BRIP1: variants seen among roughly 807,000 people sequenced by gnomAD.
The protein encoded by BRIP1 is BRCA1 interacting DNA helicase 1.
In BRIP1, 88 loss-of-function variants were observed where a neutral mutation model predicts 119.7. The ratio of observed to expected loss-of-function variants is 0.74; its 90% CI spans 0.62 to 0.88. The LOEUF is 0.88. Among genes scored for constraint, BRIP1 ranks in the 40% least tolerant of loss-of-function variants. BRIP1 has a pLI of 0.00. For missense variants in BRIP1, 1,259 were observed against 1,455.4 expected (o/e 0.87, Z 2.20); for synonymous variants, 443 against 496.5 (o/e 0.89, Z 1.43).
intron 14 of BRIP1, among the ~76,000 whole-genome samples, chr17:61,749,249 A>G (rs558879968): frequency 1.3e-5 from 2 of 152,302 alleles, no homozygotes; most frequent in East Asian, 3.9e-4. Flanking sequence ...CACAGGCAAT[A>G]AAAGTAAAAC....
Position 61,729,703 on chromosome 17 carries a change from TA to T in BRIP1, c.2379+13309del. Reference sequence around the variant, plus strand: ...TTTTTCAACTTGATAAATCATAATTTAAAAACAAATGCAGATTATTAATTTT... The same window carrying T: ...TTTTTCAACTTGATAAATCATAATTTAAAACAAATGCAGATTATTAATTTT... On this transcript the variant is annotated intron_variant, in intron 16 of 19. Coordinates refer to ENST00000259008, the MANE Select transcript of BRIP1 (RefSeq NM_032043.3). This position sits in a 1 kb window ranked among gnomAD's most constrained non-coding sequence, Gnocchi z 5.6. Among the ~76,000 whole-genome samples, 1 of 152,290 alleles carries T rather than the reference TA, an allele frequency of 6.6e-6. No homozygotes were observed. Among genetic ancestry groups the T allele is most frequent in the East Asian group, 1.9e-4 (1 of 5,184 alleles).
At chr17:61,731,901 C>G (rs1603299637) in intron 16 of BRIP1, among the ~76,000 whole-genome samples, 1 of 129,660 alleles carries the variant, frequency 7.7e-6, no homozygotes, top group African/African-American at 2.8e-5. Flanking sequence ...ACTTGGTGCT[C>G]TAGCCAGATA....
rs1450210859 is a variant in BRIP1 at position 61,846,040 on chromosome 17, G to C, written c.627+1061C>G. The stretch of plus-strand genomic sequence containing the variant: ...TACTAAAAATACAAAAAATTAGCCA[G>C]GCGTGGTGGCAGGCGCCTGTAGTCC... On this transcript the variant is annotated intron_variant, in intron 6 of 19. Coordinates refer to ENST00000259008, the MANE Select transcript of BRIP1 (RefSeq NM_032043.3). This position sits in a 1 kb window ranked among gnomAD's most constrained non-coding sequence, Gnocchi z 4.3. Among the ~76,000 whole-genome samples, 2 of 151,962 alleles carry C rather than the reference G, an allele frequency of 1.3e-5. No homozygotes were observed. Among genetic ancestry groups the C allele is most frequent in the African/African-American group, 4.8e-5 (2 of 41,362 alleles).
At chr17:61,786,350 T>G (rs2077707129) in intron 10 of BRIP1, among the ~76,000 whole-genome samples, 1 of 152,042 alleles carries the variant, frequency 6.6e-6, no homozygotes, top group Non-Finnish European at 1.5e-5. Context: ...TTTTTTTAAA[T>G]GTGGTTAAAT....
rs1397985215 is a variant in BRIP1, at chr17:61,682,969, TA to T, written c.*326del. The T allele has an allele frequency of 1.1e-5, 3 of 280,580 alleles. No individual in the cohort carries two copies. Among genetic ancestry groups the T allele is most frequent in the Non-Finnish European group, 2.0e-5 (3 of 147,604 alleles). 17.4% of individuals were successfully genotyped at this position (280,580 alleles called of 1,614,324 possible). On this transcript the variant is annotated 3_prime_UTR_variant, in exon 20 of 20. Coordinates refer to ENST00000259008, the MANE Select transcript of BRIP1 (RefSeq NM_032043.3). The surrounding 1 kb of genome is among the most constrained non-coding windows in gnomAD (Gnocchi z 4.9). Reference sequence around the variant, plus strand: ...CAACATGGTGAAACCCCATCTCTACTAAAAATACAAAAACTAGCTGGGCATG... The same window carrying T: ...CAACATGGTGAAACCCCATCTCTACTAAAATACAAAAACTAGCTGGGCATG...
At position 61,743,129 on chromosome 17, in the gene BRIP1, C is replaced by A; in HGVS notation, c.2263G>T (p.Ala755Ser). 6.2e-7 allele frequency: 1 copy of A among 1,613,966 alleles called. No individual in the cohort carries two copies. The highest frequency in any genetic ancestry group is 8.5e-7 in the Non-Finnish European group (1 of 1,179,900). ...AIKYKGEKDG[A>S]LLVAVCRGKV... ...CCACGACAAACTGCTACCAGGAGAG[C>A]TCCATCTTAAACAACAGAAAAAAGC... Residue 755 changes from alanine to serine, a missense_variant, in exon 16 of 20, where the codon GCT (alanine) becomes TCT (serine). By Grantham distance (99) the Ala-to-Ser change is moderately conservative. This residue lies in a region of BRIP1 where 753 missense variants were observed against 891.8 expected (regional missense o/e 0.84). Coordinates refer to ENST00000259008, the MANE Select transcript of BRIP1 (RefSeq NM_032043.3). The surrounding 1 kb of genome is among the most constrained non-coding windows in gnomAD (Gnocchi z 4.3).
In BRIP1 at chr17:61,734,134, GT is replaced by G. The variant is rs2076887052; in HGVS notation, c.2379+8878del. ...TACCTTATCATATCTCACAAACTAT[GT>G]CCATGTCACCAATTGGAGAGGTGGA... On this transcript the variant is annotated intron_variant, in intron 16 of 19. Coordinates refer to ENST00000259008, the MANE Select transcript of BRIP1 (RefSeq NM_032043.3). This position sits in a 1 kb window ranked among gnomAD's most constrained non-coding sequence, Gnocchi z 5.2. Among the ~76,000 whole-genome samples the G allele has an allele frequency of 6.6e-6, 1 of 152,106 alleles. No homozygotes were observed. Among genetic ancestry groups the G allele is most frequent in the Non-Finnish European group, 1.5e-5 (1 of 68,024 alleles).
chr17:61,773,648 T>A (rs2144995141), intron 14 of BRIP1, among the ~76,000 whole-genome samples: 1 of 150,720 alleles, frequency 6.6e-6, no homozygotes, highest in East Asian at 2.0e-4. Flanking sequence ...TAGGCTCCCA[T>A]CCCTACAGAA....
Position 61,683,756 on chromosome 17 carries a change from T to G in BRIP1, c.3290A>C (p.Glu1097Ala), listed in dbSNP as rs876658746. Residue 1097 changes from glutamate (E) to alanine (A), a missense_variant, in exon 20 of 20, where the codon GAA (glutamate) becomes GCA (alanine). This residue lies in a region of BRIP1 where 753 missense variants were observed against 891.8 expected (regional missense o/e 0.84). Coordinates refer to ENST00000259008, the MANE Select transcript of BRIP1 (RefSeq NM_032043.3). The surrounding 1 kb of genome is among the most constrained non-coding windows in gnomAD (Gnocchi z 4.7). ...CAATTCAATGTCTGGATCCAGGGCTTCTTCAGAACAGAGCGGATGTTCAGA... is the reference window on the plus strand; with the variant it reads ...CAATTCAATGTCTGGATCCAGGGCTGCTTCAGAACAGAGCGGATGTTCAGA... The part of the protein sequence containing the change: ...NHSEHPLCSE[E>A]ALDPDIELSL... 9 of 1,614,084 alleles carry G rather than the reference T, an allele frequency of 5.6e-6. No homozygotes were observed. Among genetic ancestry groups the G allele is most frequent in the African/African-American group, 4.0e-5 (3 of 74,932 alleles).
intron 8 of BRIP1, 130 bp downstream of exon 8, chr17:61,801,123 C>A: frequency 1.2e-6 from 1 of 816,258 alleles, no homozygotes; most frequent in South Asian, 1.6e-5. Context: ...TTTCAGTACT[C>A]TAATATGTTT....
Position 61,822,227 on chromosome 17 carries a change from T to G in BRIP1, c.628-13470A>C, listed in dbSNP as rs2078336494. Reference sequence around the variant, plus strand: ...TTGACGAATAGACTGATAATGGGATTCTCATCATTTTTTTCTGTAAAATCT... The same window carrying G: ...TTGACGAATAGACTGATAATGGGATGCTCATCATTTTTTTCTGTAAAATCT... On this transcript the variant is annotated intron_variant, in intron 6 of 19. Transcript: ENST00000259008. The surrounding 1 kb of genome is among the most constrained non-coding windows in gnomAD (Gnocchi z 4.4). Among the ~76,000 whole-genome samples, 1 of 152,186 alleles carries G rather than the reference T, an allele frequency of 6.6e-6. No individual in the cohort carries two copies. Among genetic ancestry groups the G allele is most frequent in the South Asian group, 2.1e-4 (1 of 4,832 alleles).
chr17:61,694,363 G>A (rs1464469834), intron 17 of BRIP1, among the ~76,000 whole-genome samples: 1 of 151,986 alleles, frequency 6.6e-6, no homozygotes, highest in Admixed American at 6.5e-5. Flanking sequence ...TTTGTATCTG[G>A]CATATTTCAC....
chr17:61,733,751 G>C (rs1279754061), intron 16 of BRIP1, among the ~76,000 whole-genome samples: 1 of 151,994 alleles, frequency 6.6e-6, no homozygotes, highest in African/African-American at 2.4e-5. Flanking sequence ...AGATCACTAT[G>C]CGAATTTTAA....
Position 61,762,245 on chromosome 17 carries a change from A to C in BRIP1, c.2097+14156T>G, listed in dbSNP as rs576977482. Among the ~76,000 whole-genome samples, 2 of 152,216 alleles carry C rather than the reference A, an allele frequency of 1.3e-5. No individual in the cohort carries two copies. The highest frequency in any genetic ancestry group is 1.9e-4 in the East Asian group (1 of 5,188). ...CTTATCTCACAATATTTAAAAAAAAACTCAAAATGAATTAAAGATTTAAAC... is the reference window on the plus strand; with the variant it reads ...CTTATCTCACAATATTTAAAAAAAACCTCAAAATGAATTAAAGATTTAAAC... On this transcript the variant is annotated intron_variant, in intron 14 of 19. Transcript: ENST00000259008. This position sits in a 1 kb window ranked among gnomAD's most constrained non-coding sequence, Gnocchi z 4.3.
intron 4 of BRIP1, among the ~76,000 whole-genome samples, chr17:61,854,400 C>G (rs2078864832): frequency 6.6e-6 from 1 of 151,920 alleles, no homozygotes; most frequent in South Asian, 2.1e-4. Flanking sequence ...CTTCATGAAA[C>G]AGTTTAGAAA....
chr17:61,777,937 C>T (rs1020916572), intron 13 of BRIP1, among the ~76,000 whole-genome samples: 12 of 152,118 alleles, frequency 7.9e-5, no homozygotes, highest in Non-Finnish European at 1.3e-4. Flanking sequence ...TTGGTCTTCC[C>T]GGAGGCCAGC....
intron 8 of BRIP1, among the ~76,000 whole-genome samples, chr17:61,800,237 C>A (rs180699839): frequency 5.9e-5 from 9 of 151,992 alleles, no homozygotes; most frequent in African/African-American, 1.9e-4. Flanking sequence ...CTGACTAATA[C>A]AAGGAACTGT....
In BRIP1 at chr17:61,680,774, T is replaced by C. The variant is rs886053207; in HGVS notation, c.*2522A>G. Among the ~76,000 whole-genome samples, 8 of 152,338 alleles carry C rather than the reference T, an allele frequency of 5.3e-5. No homozygotes were observed. In the South Asian group the frequency reaches 1.4e-3, roughly 28 times the overall value. Reference sequence around the variant, plus strand: ...GATTACAGGCGTGAGCCACCGCGCCTGGCCCTAAAGGTAATTTTAAAAGTC... The same window carrying C: ...GATTACAGGCGTGAGCCACCGCGCCCGGCCCTAAAGGTAATTTTAAAAGTC... On this transcript the variant is annotated 3_prime_UTR_variant, in exon 20 of 20. Coordinates refer to ENST00000259008, the MANE Select transcript of BRIP1 (RefSeq NM_032043.3).
chr17:61,706,004 A>C lies in BRIP1; in HGVS notation c.2492+9947T>G, dbSNP rs150144017. Among the ~76,000 whole-genome samples the C allele has an allele frequency of 6.3e-3, 960 of 152,214 alleles. 8 individuals are homozygous for C. The highest frequency in any genetic ancestry group is 0.022 in the African/African-American group (916 of 41,552). On this transcript the variant is annotated intron_variant, in intron 17 of 19. Coordinates refer to ENST00000259008, the MANE Select transcript of BRIP1 (RefSeq NM_032043.3). The surrounding 1 kb of genome is among the most constrained non-coding windows in gnomAD (Gnocchi z 5.7). Reference sequence around the variant, plus strand: ...TCTACTAGTTCTGTTATTGAGAGGAATTTTGAAGTTTCCAAGTATAATTGT... The same window carrying C: ...TCTACTAGTTCTGTTATTGAGAGGACTTTTGAAGTTTCCAAGTATAATTGT...
Sources: allele counts gnomAD v4.1 joint callset (sites outside exome capture counted in the v4.1 genomes callset), GRCh38; gene constraint gnomAD v4.1.1; regional missense constraint gnomAD v4.1.1; non-coding constraint Gnocchi (gnomAD v3.1); transcripts MANE v1.5; gene names NCBI Gene and HGNC (gene_info 2026-07-23, HGNC 2026-07-21).